Variants in CDH13 observed in about 807,000 individuals in gnomAD.
CDH13 encodes cadherin-13.
A neutral mutation model predicts 63.8 loss-of-function variants in CDH13; 24 were observed. That is an observed-to-expected ratio of 0.38 (90% confidence interval 0.27 to 0.53). The LOEUF (loss-of-function observed/expected upper bound fraction) is 0.53. Ranked by LOEUF, CDH13 falls within the 20% of genes least tolerant of loss-of-function variation. The probability of loss-of-function intolerance (pLI) is 0.85; values close to 1 mark genes in which losing one functional copy is unlikely to be tolerated. For synonymous variants in CDH13, 503 were observed against 355.3 expected (o/e 1.42, Z -4.67); for missense variants, 1,049 against 903.1 (o/e 1.16, Z -2.07).
chr16:83,572,136 C>T (rs138530040), intron 7 of CDH13, among the ~76,000 whole-genome samples: 6 of 151,246 alleles, frequency 4.0e-5, no homozygotes, highest in Non-Finnish European at 8.8e-5. Context: ...CATCAAAACC[C>T]TAATTGATAA....
intron 10 of CDH13, among the ~76,000 whole-genome samples, chr16:83,711,546 T>C (rs58528224): frequency 0.23 from 35,097 of 152,132 alleles, 4,231 homozygotes; most frequent in Middle Eastern, 0.38. Flanking sequence ...AGAAAGGTCT[T>C]ACTCTCTTAC....
intron 6 of CDH13, among the ~76,000 whole-genome samples, chr16:83,390,972 C>T (rs1374299011): frequency 6.6e-6 from 1 of 152,070 alleles, no homozygotes; most frequent in East Asian, 1.9e-4. Flanking sequence ...CTTGGGATTG[C>T]TTGTCTTAGC....
chr16:83,452,423 C>A (rs2072909806), intron 6 of CDH13, among the ~76,000 whole-genome samples: 1 of 152,144 alleles, frequency 6.6e-6, no homozygotes, highest in East Asian at 1.9e-4. Context: ...CAAATATAGA[C>A]ATCCTCTGTT....
chr16:83,613,074 G>A lies in CDH13; in HGVS notation c.1101+10480G>A, dbSNP rs181746009. On this transcript the variant is annotated intron_variant, in intron 8 of 13. Coordinates refer to ENST00000567109, the MANE Select transcript of CDH13 (RefSeq NM_001257.5). The stretch of plus-strand genomic sequence containing the variant: ...ATATTTTCACTGGAGGTAAAATCTT[G>A]GTTGCCAGTTATTTTCTTAGAGAAC... Among the ~76,000 whole-genome samples the A allele has an allele frequency of 1.9e-3, 291 of 152,168 alleles. 1 individual carries two copies. The highest frequency in any genetic ancestry group is 6.8e-3 in the African/African-American group (282 of 41,518).
At chr16:83,721,241 C>G (rs1407737047) in intron 10 of CDH13, 1 of 152,240 alleles carries the variant, frequency 6.6e-6, no homozygotes, top group Non-Finnish European at 1.5e-5. Context: ...TGCAGTGACA[C>G]ACTGCCTGTG....
intron 5 of CDH13, among the ~76,000 whole-genome samples, chr16:83,248,440 C>G (rs566343730): frequency 1.3e-5 from 2 of 152,170 alleles, no homozygotes; most frequent in Non-Finnish European, 2.9e-5. Context: ...GAAGCCCTGT[C>G]ACATGCAGGT....
intron 8 of CDH13, among the ~76,000 whole-genome samples, chr16:83,646,876 C>G (rs1460745096): frequency 6.6e-6 from 1 of 151,932 alleles, no homozygotes; most frequent in South Asian, 2.1e-4. Context: ...AAGAAGGCAA[C>G]TCCCCCCTTT....
At chr16:82,752,212 G>C (rs548892819) in intron 1 of CDH13, among the ~76,000 whole-genome samples, 1 of 152,188 alleles carries the variant, frequency 6.6e-6, no homozygotes, top group Non-Finnish European at 1.5e-5. Context: ...GATGGCCTGA[G>C]GTGCAAGAAC....
At chr16:83,230,177 T>A (rs1357085984) in intron 5 of CDH13, among the ~76,000 whole-genome samples, 2 of 152,208 alleles carry the variant, frequency 1.3e-5, no homozygotes, top group African/African-American at 4.8e-5. Context: ...CTTTCGAGTT[T>A]TTATTGCAGA....
At chr16:83,009,462 C>A (rs533230730) in intron 2 of CDH13, among the ~76,000 whole-genome samples, 2 of 152,266 alleles carry the variant, frequency 1.3e-5, no homozygotes, top group South Asian at 4.1e-4. Flanking sequence ...TACATTCTCT[C>A]ACTTTTTTTC....
At chr16:83,181,531 C>T (rs1178583866) in intron 4 of CDH13, among the ~76,000 whole-genome samples, 2 of 152,204 alleles carry the variant, frequency 1.3e-5, no homozygotes, top group Non-Finnish European at 2.9e-5. Context: ...CAAAAATACC[C>T]TCAGTTATGT....
chr16:83,127,125 A>C (rs994871330), intron 4 of CDH13, among the ~76,000 whole-genome samples: 2 of 152,222 alleles, frequency 1.3e-5, no homozygotes, highest in African/African-American at 4.8e-5. Context: ...AAAGGCCTGA[A>C]GATGGGAAAG....
At chr16:82,955,963 C>G (rs1906025996) in intron 2 of CDH13, among the ~76,000 whole-genome samples, 1 of 152,198 alleles carries the variant, frequency 6.6e-6, no homozygotes, top group Non-Finnish European at 1.5e-5. Context: ...CACTGACATT[C>G]AGTCTTGGAT....
intron 8 of CDH13, among the ~76,000 whole-genome samples, chr16:83,656,703 C>T (rs1306720810): frequency 4.6e-5 from 7 of 152,242 alleles, no homozygotes; most frequent in East Asian, 1.9e-4. Flanking sequence ...CTTTGAATGA[C>T]TGCACAGAGA....
intron 6 of CDH13, among the ~76,000 whole-genome samples, chr16:83,412,394 A>G (rs894205046): frequency 6.6e-6 from 1 of 152,194 alleles, no homozygotes; most frequent in African/African-American, 2.4e-5. Context: ...CCTAGGAGGC[A>G]GAGGTTGCAA....
chr16:83,426,850 A>G (rs955805243), intron 6 of CDH13, among the ~76,000 whole-genome samples: 1 of 148,308 alleles, frequency 6.7e-6, no homozygotes, highest in African/African-American at 2.5e-5. Flanking sequence ...GATCACAGTA[A>G]TGGCCCCCCA....
intron 5 of CDH13, among the ~76,000 whole-genome samples, chr16:83,341,475 A>G (rs2090721017): frequency 6.6e-6 from 1 of 152,180 alleles, no homozygotes; most frequent in African/African-American, 2.4e-5. Flanking sequence ...TTCCTCATGC[A>G]TATGCATGTG....
At chr16:83,215,071 C>CTTTTTTTTTTTT (rs1450398839) in intron 4 of CDH13, among the ~76,000 whole-genome samples, 1 of 13,442 alleles carries the variant, frequency 7.4e-5, no homozygotes, top group African/African-American at 1.8e-4. Flanking sequence ...TATCAAACAC[C>CTTTTTTTTTTTT]TCTTTTTTTT....
intron 4 of CDH13, among the ~76,000 whole-genome samples, chr16:83,141,985 G>C (rs571733194): frequency 6.6e-6 from 1 of 152,070 alleles, no homozygotes; most frequent in African/African-American, 2.4e-5. Flanking sequence ...GAATAGGAAA[G>C]CACTGGCTGA....
Sources: allele counts gnomAD v4.1 joint callset (sites outside exome capture counted in the v4.1 genomes callset), GRCh38; gene constraint gnomAD v4.1.1; transcripts MANE v1.5; gene names NCBI Gene and HGNC (gene_info 2026-07-23, HGNC 2026-07-21).